PARVB: variants seen among roughly 807,000 people sequenced by gnomAD.
PARVB encodes beta-parvin.
In PARVB, 46 loss-of-function variants were observed where a neutral mutation model predicts 47.0. The ratio of observed to expected loss-of-function variants is 0.98; its 90% CI spans 0.77 to 1.25. The LOEUF (loss-of-function observed/expected upper bound fraction) is 1.25, where lower values mean the gene tolerates loss of function less well. Among genes scored for constraint, PARVB ranks in the 50% most tolerant of loss-of-function variants. The probability of loss-of-function intolerance (pLI) is 0.00; values close to 1 mark genes in which losing one functional copy is unlikely to be tolerated. For missense variants in PARVB, 473 were observed against 471.6 expected, an observed-to-expected ratio of 1.00 and a Z score of -0.03; for synonymous variants, 196 against 196.3, an observed-to-expected ratio of 1.00 and a Z score of 0.01.
chr22:44,035,264 G>A (rs905957072), intron 1 of PARVB, among the ~76,000 whole-genome samples: 1 of 151,966 alleles, frequency 6.6e-6, no homozygotes, highest in African/African-American at 2.4e-5. Flanking sequence ...CAAGATGAAT[G>A]CTCTGAAGTG....
intron 12 of PARVB, among the ~76,000 whole-genome samples, chr22:44,167,241 C>T (rs574567421): frequency 2.6e-4 from 40 of 152,168 alleles, no homozygotes; most frequent in East Asian, 3.9e-4. Flanking sequence ...TTCACAGAGC[C>T]GAGTGCGGAG....
At chr22:44,082,939 C>T (rs925085462) in intron 1 of PARVB, among the ~76,000 whole-genome samples, 15 of 152,056 alleles carry the variant, frequency 9.9e-5, no homozygotes, top group African/African-American at 2.9e-4. Context: ...CCTTCCATCT[C>T]GGGGTGGTCT....
At chr22:44,138,734 C>T (rs1221445897) in intron 7 of PARVB, among the ~76,000 whole-genome samples, 1 of 152,212 alleles carries the variant, frequency 6.6e-6, no homozygotes, top group Non-Finnish European at 1.5e-5. Flanking sequence ...GAGTGCTTGG[C>T]TTCCTGTTAG....
chr22:44,072,362 G>A (rs1206017455), intron 1 of PARVB, among the ~76,000 whole-genome samples: 1 of 152,138 alleles, frequency 6.6e-6, no homozygotes, highest in Middle Eastern at 3.2e-3. Context: ...TTCAAGTTGG[G>A]CATCAGATAG....
At chr22:44,118,186 A>G (rs1371644197) in intron 3 of PARVB, among the ~76,000 whole-genome samples, 1 of 152,216 alleles carries the variant, frequency 6.6e-6, no homozygotes, top group Non-Finnish European at 1.5e-5. Flanking sequence ...ATGGAGAAAC[A>G]AAATGTGGTC....
chr22:44,007,291 T>C (rs2050475917), intron 2 of PARVB, among the ~76,000 whole-genome samples: 1 of 151,224 alleles, frequency 6.6e-6, no homozygotes, highest in African/African-American at 2.4e-5. Flanking sequence ...CTGGGGGGAG[T>C]GGAGTCTCCT....
intron 1 of PARVB, among the ~76,000 whole-genome samples, chr22:44,077,055 G>A (rs973920519): frequency 6.6e-6 from 1 of 152,174 alleles, no homozygotes; most frequent in African/African-American, 2.4e-5. Context: ...AGGTGCAACC[G>A]GGCCTGCCCT....
At chr22:44,076,650 T>G (rs1321145683) in intron 1 of PARVB, among the ~76,000 whole-genome samples, 2 of 152,160 alleles carry the variant, frequency 1.3e-5, no homozygotes, top group Admixed American at 1.3e-4. Flanking sequence ...TAGGCGTGCC[T>G]GGGTCCTGGG....
At chr22:44,136,615 G>A in intron 7 of PARVB, 97 bp downstream of exon 7, 1 of 936,186 alleles carries the variant, frequency 1.1e-6, no homozygotes, top group Non-Finnish European at 1.8e-6. Context: ...CGCCCATGGG[G>A]CTGCTCCCGC....
At position 44,131,266 on chromosome 22, in the gene PARVB, C is replaced by T. The variant is rs1034188881; in HGVS notation, c.377-221C>T. ...AAGCACTTCTCCTGCCTCAGCCTCC[C>T]GAGTAGCTGGGATTACATGTGTGCG... On this transcript the variant is annotated intron_variant, in intron 4 of 12. Transcript: ENST00000338758. Among the ~76,000 whole-genome samples, 5 of 151,582 alleles carry T rather than the reference C, an allele frequency of 3.3e-5. No homozygotes were observed. The East Asian group carries it at 7.7e-4, about 23-fold the overall frequency.
intron 1 of PARVB, among the ~76,000 whole-genome samples, chr22:44,052,273 C>T (rs879281289): frequency 2.0e-5 from 3 of 152,086 alleles, no homozygotes; most frequent in Non-Finnish European, 2.9e-5. Flanking sequence ...CATGAGAGTC[C>T]GTCACCCTGA....
At chr22:44,090,297 G>A (rs1410112726) in intron 1 of PARVB, among the ~76,000 whole-genome samples, 1 of 152,214 alleles carries the variant, frequency 6.6e-6, no homozygotes, top group African/African-American at 2.4e-5. Context: ...CTGCCAGCCT[G>A]TGCCCCCCTC....
intron 1 of PARVB, among the ~76,000 whole-genome samples, chr22:44,074,508 AG>A (rs2051724168): frequency 6.6e-6 from 1 of 152,112 alleles, no homozygotes; most frequent in Non-Finnish European, 1.5e-5. Context: ...TTGGGGAGGG[AG>A]GATGCCCTGT....
At position 44,169,499 on chromosome 22, in the gene PARVB, T is replaced by C. The variant is rs1232905804; in HGVS notation, c.*821T>C. 1.3e-5 allele frequency: 2 copies of C among 149,994 alleles called. No individual in the cohort carries two copies. The highest frequency in any genetic ancestry group is 2.9e-5 in the Non-Finnish European group (2 of 68,070). The allele number at this position is 149,994 out of a possible 1,614,324, so 9.3% of individuals were successfully genotyped here. A position where few individuals can be genotyped will look rare whatever the true frequency, so the allele number is the denominator to read the frequency against. On this transcript the variant is annotated 3_prime_UTR_variant, in exon 13 of 13. Transcript: ENST00000338758. ...TTCAGAGGCCCTTTTTGGGAATGAA[T>C]GCATCTTTGGAAACTTTAAAATGAG...
chr22:44,005,482 T>C (rs1192953868), intron 2 of PARVB, among the ~76,000 whole-genome samples: 3 of 151,668 alleles, frequency 2.0e-5, no homozygotes, highest in Non-Finnish European at 4.4e-5. Flanking sequence ...TTCTCTTTCT[T>C]TTCTTTAATT....
intron 3 of PARVB, chr22:44,116,282 GC>G (rs1246599582): frequency 6.6e-6 from 1 of 152,328 alleles, no homozygotes; most frequent in Non-Finnish European, 1.5e-5. Context: ...GAGGTCAAGT[GC>G]CATTTTCATC....
intron 8 of PARVB, chr22:44,146,367 A>G (rs549192390): frequency 2.0e-5 from 3 of 150,644 alleles, no homozygotes; most frequent in African/African-American, 7.4e-5. Flanking sequence ...ACACATGCAC[A>G]CACGTGCTCG....
chr22:44,039,899 C>T (rs753151006), intron 1 of PARVB: 12 of 454,224 alleles, frequency 2.6e-5, no homozygotes, highest in South Asian at 1.2e-4. Context: ...ACTGCAGCCT[C>T]GAACTCCTGG....
Position 44,037,031 on chromosome 22 carries a change from T to TA in PARVB, c.112+12583dup, listed in dbSNP as rs550430073. ...TAATCTGAGAAGTGAGGGTAAAAGT[T>TA]AAAGGAAGATTAAAAACAAAAAAAA... is the stretch of plus-strand genomic sequence containing the variant. On this transcript the variant is annotated intron_variant, in intron 1 of 12. Coordinates refer to ENST00000338758, the MANE Select transcript of PARVB (RefSeq NM_013327.5). 2.4e-4 allele frequency among the ~76,000 whole-genome samples: 36 copies of TA among 150,804 alleles called. No homozygotes were observed. The South Asian group carries it at 7.5e-3, about 32-fold the overall frequency.
Sources: gnomAD v4.1 joint callset for allele counts (sites outside exome capture counted in the v4.1 genomes callset) on GRCh38, gnomAD v4.1.1 for gene constraint, MANE v1.5 for transcripts, NCBI Gene and HGNC (gene_info 2026-07-23, HGNC 2026-07-21) for gene names.